The following ENTREP1 variants were observed in gnomAD, a reference collection of about 807,000 sequenced individuals.
ENTREP1 encodes the protein Friedreich ataxia region gene X123.
the ENTREP1 span, among the ~76,000 whole-genome samples, chr9:69,361,185 G>GTATA: frequency 6.6e-6 from 1 of 152,158 alleles, no homozygotes; most frequent in Non-Finnish European, 1.5e-5. Flanking sequence ...ATAAATTGCT[G>GTATA]AATTTTTATA....
the ENTREP1 span, chr9:69,387,880 A>C: frequency 1.5e-6 from 2 of 1,358,430 alleles, no homozygotes; most frequent in Non-Finnish European, 1.9e-6. Flanking sequence ...TATGGTTTGC[A>C]TTCTGGATTC....
chr9:69,350,102 A>G, the ENTREP1 span, among the ~76,000 whole-genome samples: 1 of 152,192 alleles, frequency 6.6e-6, no homozygotes. Context: ...CAGTTCATCT[A>G]TTTTTAATTT....
chr9:69,325,380 G>A, the ENTREP1 span: 1 of 1,147,332 alleles, frequency 8.7e-7, no homozygotes, highest in Non-Finnish European at 1.1e-6. Context: ...CCGCAGGCCG[G>A]GGGCCCGGGC....
At chr9:69,370,508 G>A in the ENTREP1 span, among the ~76,000 whole-genome samples, 3 of 152,180 alleles carry the variant, frequency 2.0e-5, no homozygotes, top group Admixed American at 2.0e-4. Flanking sequence ...TTTTCCCCAA[G>A]ATCTGATGAC....
At chr9:69,343,153 T>G in the ENTREP1 span, among the ~76,000 whole-genome samples, 1 of 152,242 alleles carries the variant, frequency 6.6e-6, no homozygotes, top group Non-Finnish European at 1.5e-5. Flanking sequence ...GCTATCCACT[T>G]ATTAGCCCTC....
chr9:69,379,983 G>A, the ENTREP1 span: 1 of 152,138 alleles, frequency 6.6e-6, no homozygotes, highest in Admixed American at 6.5e-5. Flanking sequence ...TCTGAGTCCT[G>A]AGACAGCCTC....
chr9:69,340,765 G>GTA, the ENTREP1 span, among the ~76,000 whole-genome samples: 1 of 121,930 alleles, frequency 8.2e-6, no homozygotes, highest in Admixed American at 8.0e-5. Context: ...GTGCGTGCAT[G>GTA]TGTGTGTGTG....
the ENTREP1 span, among the ~76,000 whole-genome samples, chr9:69,358,264 A>G: frequency 3.3e-5 from 5 of 152,236 alleles, no homozygotes; most frequent in Non-Finnish European, 5.9e-5. Flanking sequence ...CAATGGTGGT[A>G]GCCATTTTCA....
chr9:69,374,401 A>C, the ENTREP1 span, among the ~76,000 whole-genome samples: 1 of 152,106 alleles, frequency 6.6e-6, no homozygotes, highest in African/African-American at 2.4e-5. Context: ...ATGCGGTGCT[A>C]AAGAGTTTTC....
the ENTREP1 span, among the ~76,000 whole-genome samples, chr9:69,361,201 A>G: frequency 6.6e-6 from 1 of 152,322 alleles, no homozygotes; most frequent in East Asian, 1.9e-4. Flanking sequence ...TTATACATGT[A>G]TACACATGTA....
the ENTREP1 span, chr9:69,375,878 A>G: frequency 6.2e-7 from 1 of 1,611,308 alleles, no homozygotes; most frequent in Non-Finnish European, 8.5e-7. Context: ...CCTCAAACAG[A>G]TTCCCACCCG....
At chr9:69,377,640 G>A in the ENTREP1 span, 92 of 1,614,048 alleles carry the variant, frequency 5.7e-5, 1 homozygote, top group African/African-American at 8.0e-5. Context: ...CTGAAGAAGC[G>A]GAGGATCATG....
the ENTREP1 span, among the ~76,000 whole-genome samples, chr9:69,376,659 G>C: frequency 2.0e-5 from 3 of 152,314 alleles, no homozygotes; most frequent in South Asian, 4.1e-4. Flanking sequence ...CAAGCTACCA[G>C]CTCTGGGTTG....
chr9:69,388,421 G>A, the ENTREP1 span: 8 of 1,603,756 alleles, frequency 5.0e-6, no homozygotes, highest in Admixed American at 1.4e-4. Context: ...CATGGAGGAA[G>A]CCATCACAAG....
the ENTREP1 span, among the ~76,000 whole-genome samples, chr9:69,337,112 T>A: frequency 6.9e-6 from 1 of 144,898 alleles, no homozygotes; most frequent in African/African-American, 2.6e-5. Context: ...CCTCCCAGGT[T>A]TAAGCAATTG....
At chr9:69,340,649 G>GTGCA in the ENTREP1 span, among the ~76,000 whole-genome samples, 1 of 144,336 alleles carries the variant, frequency 6.9e-6, no homozygotes, top group Non-Finnish European at 1.5e-5. Flanking sequence ...GCATGTGTGT[G>GTGCA]TGCATGTGTG....
the ENTREP1 span, among the ~76,000 whole-genome samples, chr9:69,343,533 C>G: frequency 1.3e-5 from 2 of 152,170 alleles, no homozygotes; most frequent in African/African-American, 2.4e-5. Context: ...CTTGATCTCC[C>G]TGGCTCAGGT....
the ENTREP1 span, among the ~76,000 whole-genome samples, chr9:69,369,180 A>G: frequency 6.6e-6 from 1 of 152,162 alleles, no homozygotes; most frequent in Non-Finnish European, 1.5e-5. Flanking sequence ...TTGTGGCTGC[A>G]TAGTATTCCA....
the ENTREP1 span, among the ~76,000 whole-genome samples, chr9:69,361,453 A>G: frequency 6.6e-6 from 1 of 152,124 alleles, no homozygotes; most frequent in African/African-American, 2.4e-5. Context: ...CATGTTTTAT[A>G]TGCATCCGTT....
Sources: gnomAD v4.1 joint callset for allele counts (sites outside exome capture counted in the v4.1 genomes callset) on GRCh38, gnomAD v4.1.1 for gene constraint, MANE v1.5 for transcripts, NCBI Gene and HGNC (gene_info 2026-07-23, HGNC 2026-07-21) for gene names.